Variants in ATP1B1 observed in about 807,000 individuals in gnomAD.
ATP1B1 encodes sodium/potassium-transporting ATPase subunit beta-1.
A neutral mutation model predicts 39.6 loss-of-function variants in ATP1B1; 3 were observed. The observed-to-expected ratio is 0.08, with a 90% CI of 0.03 to 0.20. The LOEUF (loss-of-function observed/expected upper bound fraction) is 0.20, where lower values mean the gene tolerates loss of function less well. Among genes scored for constraint, ATP1B1 ranks in the 10% least tolerant of loss-of-function variants. The pLI, the probability that ATP1B1 is intolerant of heterozygous loss-of-function variation, is 1.00. For missense variants in ATP1B1, 216 were observed against 371.1 expected, an observed-to-expected ratio of 0.58 and a Z score of 3.43; for synonymous variants, 139 against 135.0, an observed-to-expected ratio of 1.03 and a Z score of -0.20.
intron 2 of ATP1B1, among the ~76,000 whole-genome samples, chr1:169,118,085 A>G (rs1191233619): frequency 3.9e-5 from 6 of 152,210 alleles, no homozygotes; most frequent in Non-Finnish European, 8.8e-5. Flanking sequence ...AATAAGCACA[A>G]TTATGAGCTA....
chr1:169,111,068 GAATA>G (rs1657718278), intron 1 of ATP1B1, among the ~76,000 whole-genome samples: 1 of 151,980 alleles, frequency 6.6e-6, no homozygotes, highest in Admixed American at 6.6e-5. Flanking sequence ...ATAATTTTGA[GAATA>G]AAAAATATGG....
intron 2 of ATP1B1, among the ~76,000 whole-genome samples, chr1:169,123,173 G>A (rs534588292): frequency 3.3e-5 from 5 of 152,290 alleles, no homozygotes; most frequent in Non-Finnish European, 5.9e-5. Context: ...ATTCGTTAAC[G>A]TCGTTGTCTT....
intron 2 of ATP1B1, among the ~76,000 whole-genome samples, chr1:169,112,478 T>G (rs922304588): frequency 2.6e-5 from 4 of 152,268 alleles, no homozygotes; most frequent in African/African-American, 9.6e-5. Flanking sequence ...TGGCAATGAC[T>G]TGTCCCTTCT....
intron 3 of ATP1B1, among the ~76,000 whole-genome samples, chr1:169,125,328 C>T (rs376915669): frequency 2.6e-4 from 40 of 152,052 alleles, no homozygotes; most frequent in African/African-American, 8.9e-4. Flanking sequence ...TTTTCTTTCT[C>T]TTACATCCGT....
intron 2 of ATP1B1, among the ~76,000 whole-genome samples, chr1:169,114,874 A>T (rs978525412): frequency 6.6e-6 from 1 of 151,636 alleles, no homozygotes; most frequent in Non-Finnish European, 1.5e-5. Context: ...CACACAAAAA[A>T]TTTTTTTAAG....
chr1:169,131,380 A>G lies in ATP1B1; in HGVS notation c.737A>G (p.Tyr246Cys). The G allele has an allele frequency of 6.2e-7, 1 of 1,614,154 alleles. No homozygotes were observed. Among genetic ancestry groups the G allele is most frequent in the Non-Finnish European group, 8.5e-7 (1 of 1,180,024 alleles). ...TTTCCTCTGCAGTATTATCCGTACT[A>G]TGGCAAACTCCTGCAGCCCAAATAC... ...PGFPLQYYPYYGKLLQPKYLQ... is the reference protein window; with the variant it reads ...PGFPLQYYPYCGKLLQPKYLQ... Residue 246 changes from tyrosine (Y) to cysteine (C), a missense_variant, in exon 6 of 6, where the codon TAT (tyrosine) becomes TGT (cysteine). Transcript: ENST00000367815. The surrounding 1 kb of genome is among the most constrained non-coding windows in gnomAD (Gnocchi z 4.4).
At chr1:169,115,011 C>T (rs963482196) in intron 2 of ATP1B1, among the ~76,000 whole-genome samples, 11 of 151,732 alleles carry the variant, frequency 7.2e-5, no homozygotes, top group Non-Finnish European at 8.8e-5. Flanking sequence ...AGTGAAACTC[C>T]GTCTCTACTA....
At chr1:169,110,586 T>TTTGTTTTTGA in intron 1 of ATP1B1, 1 of 898,572 alleles carries the variant, frequency 1.1e-6, no homozygotes, top group Non-Finnish European at 1.4e-6. Context: ...TTTTTTTTTT[T>TTTGTTTTTGA]GCTTTTGCAG....
In ATP1B1 at chr1:169,131,680, A is replaced by G; in HGVS notation, c.*125A>G. The G allele has an allele frequency of 3.7e-6, 4 of 1,091,654 alleles. No individual in the cohort carries two copies. The highest frequency in any genetic ancestry group is 1.6e-5 in the African/African-American group (1 of 62,888). 67.6% of individuals were successfully genotyped at this position (1,091,654 alleles called of 1,614,324 possible). A position where few individuals can be genotyped will look rare whatever the true frequency, so the allele number is the denominator to read the frequency against. On this transcript the variant is annotated 3_prime_UTR_variant, in exon 6 of 6. Transcript: ENST00000367815. This position sits in a 1 kb window ranked among gnomAD's most constrained non-coding sequence, Gnocchi z 4.4. Reference sequence around the variant, plus strand: ...CCTACACTTAATCTATATGCTTTACACTAGCTTTCTGCATTTAATAGGTTA... The same window carrying G: ...CCTACACTTAATCTATATGCTTTACGCTAGCTTTCTGCATTTAATAGGTTA...
At chr1:169,126,899 C>T (rs1262385720) in intron 3 of ATP1B1, among the ~76,000 whole-genome samples, 1 of 152,178 alleles carries the variant, frequency 6.6e-6, no homozygotes, top group African/African-American at 2.4e-5. Flanking sequence ...GATCCGTCTC[C>T]TTTCAGTCTT....
intron 1 of ATP1B1, among the ~76,000 whole-genome samples, chr1:169,108,863 T>C (rs1201422867): frequency 6.6e-6 from 1 of 152,232 alleles, no homozygotes; most frequent in Non-Finnish European, 1.5e-5. Flanking sequence ...ATCCCCTTTT[T>C]GTTTTGTGCT....
intron 2 of ATP1B1, among the ~76,000 whole-genome samples, chr1:169,121,580 A>G (rs1250188213): frequency 6.6e-6 from 1 of 152,178 alleles, no homozygotes. Flanking sequence ...TCATACTCAT[A>G]TCAAAGTAAT....
intron 2 of ATP1B1, among the ~76,000 whole-genome samples, chr1:169,120,881 C>T (rs997227245): frequency 6.6e-6 from 1 of 152,044 alleles, no homozygotes; most frequent in Admixed American, 6.5e-5. Flanking sequence ...CTTCATGTAA[C>T]AGTAATACCT....
intron 3 of ATP1B1, 42 bp downstream of exon 3, chr1:169,125,081 C>T (rs1013562207): frequency 2.0e-5 from 31 of 1,537,582 alleles, no homozygotes; most frequent in Admixed American, 4.5e-5. Context: ...AGTTTTCTTT[C>T]TCTTTAACTC....
intron 2 of ATP1B1, among the ~76,000 whole-genome samples, chr1:169,122,756 T>C (rs939097430): frequency 2.6e-5 from 3 of 116,974 alleles, no homozygotes; most frequent in Non-Finnish European, 3.9e-5. Context: ...ATTTTTTTTT[T>C]TTTTTTTTTT....
At chr1:169,107,754 GT>G (rs1376473895) in intron 1 of ATP1B1, among the ~76,000 whole-genome samples, 1 of 151,250 alleles carries the variant, frequency 6.6e-6, no homozygotes, top group African/African-American at 2.5e-5. Context: ...CTCCGGAAAG[GT>G]GACTTTTTTT....
intron 2 of ATP1B1, among the ~76,000 whole-genome samples, chr1:169,121,899 G>A (rs1024768789): frequency 6.6e-6 from 1 of 152,080 alleles, no homozygotes; most frequent in African/African-American, 2.4e-5. Flanking sequence ...ATGTCCCTAT[G>A]GTCCCCTGGC....
At chr1:169,114,642 GAAGTGAAA>G (rs1258770233) in intron 2 of ATP1B1, among the ~76,000 whole-genome samples, 1 of 152,182 alleles carries the variant, frequency 6.6e-6, no homozygotes, top group African/African-American at 2.4e-5. Flanking sequence ...CTACAGAATG[GAAGTGAAA>G]TGTAAGAAAA....
At chr1:169,129,949 A>C (rs1658169654) in intron 4 of ATP1B1, 61 bp from the exon 5 acceptor site, 1 of 1,548,614 alleles carries the variant, frequency 6.5e-7, no homozygotes, top group Non-Finnish European at 8.9e-7. Flanking sequence ...GAGTAGTTTT[A>C]TTTTTCAGAA....
Sources: gnomAD v4.1 joint callset for allele counts (sites outside exome capture counted in the v4.1 genomes callset) on GRCh38, gnomAD v4.1.1 for gene constraint, Gnocchi (gnomAD v3.1) non-coding constraint, MANE v1.5 for transcripts, NCBI Gene and HGNC (gene_info 2026-07-23, HGNC 2026-07-21) for gene names.